Variants in BZW1 observed in about 807,000 individuals in gnomAD.
The protein encoded by BZW1 is basic leucine zipper and W2 domains 1.
Under a neutral mutation model 54.1 loss-of-function variants are expected in BZW1, and 3 were observed. The ratio of observed to expected loss-of-function variants is 0.06; its 90% confidence interval spans 0.03 to 0.14. The LOEUF (loss-of-function observed/expected upper bound fraction) is 0.14. Ranked by LOEUF, BZW1 falls within the 10% of genes least tolerant of loss-of-function variation. BZW1 has a pLI of 1.00. For missense variants in BZW1, 206 were observed against 491.7 expected (o/e 0.42, Z 5.50); for synonymous variants, 152 against 162.7 (o/e 0.93, Z 0.50).
intron 8 of BZW1, 35 bp downstream of exon 8, chr2:200,818,428 A>C (rs754036403): frequency 1.3e-6 from 2 of 1,582,250 alleles, no homozygotes; most frequent in Non-Finnish European, 1.7e-6. Context: ...TTTATGGCTA[A>C]GCTTCTGGCA....
chr2:200,813,827 A>G (rs1442951248), intron 2 of BZW1, among the ~76,000 whole-genome samples: 1 of 152,190 alleles, frequency 6.6e-6, no homozygotes, highest in Non-Finnish European at 1.5e-5. Context: ...ATTCTGTAGC[A>G]AAGTGCTGTG....
At position 200,815,809 on chromosome 2, in the gene BZW1, G is replaced by A. The variant is rs186946556; in HGVS notation, c.336+48G>A. The A allele has an allele frequency of 1.7e-4, 247 of 1,421,900 alleles. 2 individuals carry two copies. The East Asian group carries it at 5.2e-3, about 30-fold the overall frequency. The allele number at this position is 1,421,900 out of a possible 1,614,324, so 88.1% of individuals were successfully genotyped here. ...GTTTTCAGTTGGCTACTATCCATGT[G>A]GTATATTTGAGGAATATTCTACTTT... On this transcript the variant is annotated intron_variant, in intron 4 of 11. Transcript: ENST00000409600.
exon 1 of BZW1, chr2:200,811,906 CGTTA>C (rs1448537054): frequency 2.3e-5 from 5 of 218,280 alleles, no homozygotes; most frequent in African/African-American, 6.8e-5. Flanking sequence ...CTCCTCCTGG[CGTTA>C]GTTCCGGTCG....
At chr2:200,814,665 G>C (rs752489180) in intron 2 of BZW1, among the ~76,000 whole-genome samples, 1 of 152,150 alleles carries the variant, frequency 6.6e-6, no homozygotes, top group Non-Finnish European at 1.5e-5. Context: ...CTGGCATGGC[G>C]AGTGAGACTA....
chr2:200,815,912 T>A, intron 4 of BZW1, 151 bp downstream of exon 4: 2 of 756,584 alleles, frequency 2.6e-6, no homozygotes, highest in Non-Finnish European at 4.1e-6. Flanking sequence ...CGGGATGAAT[T>A]AGAAACTTAA....
chr2:200,814,317 G>T (rs997330976), intron 2 of BZW1, among the ~76,000 whole-genome samples: 2 of 152,202 alleles, frequency 1.3e-5, no homozygotes, highest in Non-Finnish European at 2.9e-5. Context: ...ATGATTCGTG[G>T]CCTGGCTGTT....
In BZW1 at chr2:200,826,341, C is replaced by G. The variant is rs1201673560; in HGVS notation, c.*4163C>G. ...TTCATCTTTATGCTAGGAGTATAGT[C>G]TCAGTTCTTAATGAGTTGATGGGAT... On this transcript the variant is annotated 3_prime_UTR_variant, in exon 12 of 12. Transcript: ENST00000409600. 2.2e-5 allele frequency: 3 copies of G among 136,818 alleles called. No individual in the cohort carries two copies. The Admixed American group carries it at 2.3e-4, about 10-fold the overall frequency. The allele number at this position is 136,818 out of a possible 1,614,324, so 8.5% of individuals were successfully genotyped here. A position where few individuals can be genotyped will look rare whatever the true frequency, so the allele number is the denominator to read the frequency against.
rs756261899 is a variant in BZW1 at position 200,821,226 on chromosome 2, T to G, written c.1149T>G (p.Asp383Glu). 1 of 1,612,330 alleles carries G rather than the reference T, an allele frequency of 6.2e-7. No homozygotes were observed. The highest frequency in any genetic ancestry group is 8.5e-7 in the Non-Finnish European group (1 of 1,179,702). The change falls in exon 11 of 12, where the codon GAT (aspartate) becomes GAG (glutamate). Residue 383 changes from aspartate to glutamate, a missense_variant. Asp to Glu is a conservative substitution (Grantham distance 45). Around this residue, in one of 5 missense-constraint regions of BZW1, gnomAD observed 60 missense variants for 151.8 expected, o/e 0.40. Coordinates refer to ENST00000409600, the MANE Select transcript of BZW1 (RefSeq NM_001207067.2). Reference sequence around the variant, plus strand: ...AGCCCATTTTGAAGTGGTATAAAGATGCACATGTTGCAAAGGGGAAGAGTG... The same window carrying G: ...AGCCCATTTTGAAGTGGTATAAAGAGGCACATGTTGCAAAGGGGAAGAGTG... ...SEEPILKWYK[D>E]AHVAKGKSVF...
chr2:200,814,282 GT>G (rs2038209021), intron 2 of BZW1, among the ~76,000 whole-genome samples: 1 of 152,214 alleles, frequency 6.6e-6, no homozygotes, highest in Admixed American at 6.5e-5. Flanking sequence ...AGGGAGAGAT[GT>G]AACTTCCCCG....
At chr2:200,820,367 A>C (rs1229110183) in intron 10 of BZW1, among the ~76,000 whole-genome samples, 3 of 151,878 alleles carry the variant, frequency 2.0e-5, no homozygotes, top group African/African-American at 7.3e-5. Context: ...TGCCTCCTAT[A>C]CTCTTAACCA....
At position 200,826,943 on chromosome 2, in the gene BZW1, T is replaced by C. The variant is rs1158235146; in HGVS notation, c.*4765T>C. ...TAAGGACAAAAATAGTTTACAGCTT[T>C]TTTTTTTTTAATCTGAAATCCTGAA... On this transcript the variant is annotated 3_prime_UTR_variant, in exon 12 of 12. Transcript: ENST00000409600. The C allele has an allele frequency of 1.6e-5, 2 of 126,764 alleles. No individual in the cohort carries two copies. Among genetic ancestry groups the C allele is most frequent in the Admixed American group, 7.5e-5 (1 of 13,372 alleles). 7.9% of individuals were successfully genotyped at this position (126,764 alleles called of 1,614,324 possible). A position where few individuals can be genotyped will look rare whatever the true frequency, so the allele number is the denominator to read the frequency against.
At chr2:200,818,667 T>C in intron 8 of BZW1, 88 bp from the exon 9 acceptor site, 1 of 1,412,102 alleles carries the variant, frequency 7.1e-7, no homozygotes, top group Non-Finnish European at 9.5e-7. Flanking sequence ...AAGGAGTTGT[T>C]AGTTTTTGTT....
rs1158938113 is a variant in BZW1, at chr2:200,825,872, A to G, written c.*3694A>G. The G allele has an allele frequency of 6.6e-6, 1 of 152,224 alleles. No individual in the cohort carries two copies. Among genetic ancestry groups the G allele is most frequent in the Non-Finnish European group, 1.5e-5 (1 of 68,046 alleles). 9.4% of individuals were successfully genotyped at this position (152,224 alleles called of 1,614,324 possible). A position where few individuals can be genotyped will look rare whatever the true frequency, so the allele number is the denominator to read the frequency against. On this transcript the variant is annotated 3_prime_UTR_variant, in exon 12 of 12. Transcript: ENST00000409600. ...TAAATTACCAAATTACCTTTGTACA[A>G]ATATTCCTCAGATGCTGTCTACAGG...
chr2:200,821,455 AATT>A lies in BZW1; in HGVS notation c.1228+156_1228+158del, dbSNP rs567680334. 6.3e-4 allele frequency: 538 copies of A among 853,382 alleles called. 1 individual carries two copies. The African/African-American group carries it at 6.9e-3, about 11-fold the overall frequency. 52.9% of individuals were successfully genotyped at this position (853,382 alleles called of 1,614,324 possible). A position where few individuals can be genotyped will look rare whatever the true frequency, so the allele number is the denominator to read the frequency against. Reference sequence around the variant, plus strand: ...AGGCAGGTGGCGAAAGCTAGAGTTTAATTATTATAGTATATTTATGGCTCAGCC... The same window carrying A: ...AGGCAGGTGGCGAAAGCTAGAGTTTAATTATAGTATATTTATGGCTCAGCC... On this transcript the variant is annotated intron_variant, in intron 11 of 11. Coordinates refer to ENST00000409600, the MANE Select transcript of BZW1 (RefSeq NM_001207067.2).
intron 10 of BZW1, 138 bp from the exon 11 acceptor site, chr2:200,821,045 A>G (rs1389575410): frequency 5.8e-6 from 6 of 1,041,772 alleles, no homozygotes; most frequent in African/African-American, 3.2e-5. Flanking sequence ...CACATGTATT[A>G]TTATCTTCCA....
In BZW1 at chr2:200,817,259, A is replaced by T; in HGVS notation, c.538+18A>T. ...TAAAGAAGGTAATCAGCCTTAAAGG[A>T]TGGTCTTCAGTTGACTCAGAGTGGG... On this transcript the variant is annotated intron_variant, in intron 6 of 11. Transcript: ENST00000409600. The T allele has an allele frequency of 6.2e-7, 1 of 1,610,400 alleles. No individual in the cohort carries two copies. Among genetic ancestry groups the T allele is most frequent in the Non-Finnish European group, 8.5e-7 (1 of 1,179,432 alleles).
rs1235387157 is a variant in BZW1, at chr2:200,821,113, A to G, written c.1106-70A>G. The G allele has an allele frequency of 3.9e-6, 6 of 1,548,510 alleles. No individual in the cohort carries two copies. The East Asian group carries it at 9.1e-5, about 23-fold the overall frequency. ...TTGTTTGCTAAGCAGGCATTTGCACATTAGGTGGTGGTTCTAACGCTGAGT... is the reference window on the plus strand; with the variant it reads ...TTGTTTGCTAAGCAGGCATTTGCACGTTAGGTGGTGGTTCTAACGCTGAGT... On this transcript the variant is annotated intron_variant, in intron 10 of 11. Coordinates refer to ENST00000409600, the MANE Select transcript of BZW1 (RefSeq NM_001207067.2).
intron 3 of BZW1, 69 bp downstream of exon 3, chr2:200,815,586 A>G (rs1339114976): frequency 3.1e-5 from 50 of 1,599,420 alleles, no homozygotes; most frequent in Non-Finnish European, 4.0e-5. Context: ...TGGAGAGTCT[A>G]GAATATGAAC....
intron 10 of BZW1, among the ~76,000 whole-genome samples, chr2:200,820,668 A>G (rs1393537206): frequency 6.6e-6 from 1 of 151,880 alleles, no homozygotes; most frequent in African/African-American, 2.4e-5. Context: ...CTAGGCAACA[A>G]GTGAGACCCT....
Sources: gnomAD v4.1 joint callset for allele counts (sites outside exome capture counted in the v4.1 genomes callset) on GRCh38, gnomAD v4.1.1 for gene constraint, gnomAD v4.1.1 regional missense constraint, MANE v1.5 for transcripts, NCBI Gene and HGNC (gene_info 2026-07-23, HGNC 2026-07-21) for gene names.